The following ATP2C2 variants were observed in gnomAD, a reference collection of about 807,000 sequenced individuals.
ATP2C2 encodes calcium-transporting ATPase type 2C member 2.
In ATP2C2, 171 loss-of-function variants were observed where a neutral mutation model predicts 110.8. The observed-to-expected ratio is 1.54, with a 90% CI of 1.36 to 1.75. The LOEUF (loss-of-function observed/expected upper bound fraction) is 1.75. Ranked by LOEUF, ATP2C2 falls within the 40% of genes most tolerant of loss-of-function variation. The pLI, the probability that ATP2C2 is intolerant of heterozygous loss-of-function variation, is 0.00. For missense variants in ATP2C2, 1,963 were observed against 1,235.0 expected, an observed-to-expected ratio of 1.59 and a Z score of -8.84; for synonymous variants, 804 against 508.4, an observed-to-expected ratio of 1.58 and a Z score of -7.82.
chr16:84,417,511 T>A (rs1906945897), intron 7 of ATP2C2, among the ~76,000 whole-genome samples: 1 of 152,234 alleles, frequency 6.6e-6, no homozygotes. Context: ...ATTATCGTTC[T>A]ATACAACGGT....
At chr16:84,417,953 G>A (rs935080077) in intron 7 of ATP2C2, among the ~76,000 whole-genome samples, 1 of 152,198 alleles carries the variant, frequency 6.6e-6, no homozygotes, top group Non-Finnish European at 1.5e-5. Context: ...GCAGGAAGCA[G>A]CAAGTTCAAG....
chr16:84,438,127 C>G (rs1366202610), intron 11 of ATP2C2, among the ~76,000 whole-genome samples: 2 of 152,224 alleles, frequency 1.3e-5, no homozygotes, highest in East Asian at 3.8e-4. Flanking sequence ...CATTTGTTCA[C>G]TGATGGACAT....
chr16:84,463,546 AG>A, intron 26 of ATP2C2, 67 bp from the exon 27 acceptor site: 1 of 1,309,328 alleles, frequency 7.6e-7, no homozygotes, highest in Non-Finnish European at 1.1e-6. Context: ...CTGGCAGGGA[AG>A]GCGCTTCCTG....
intron 11 of ATP2C2, among the ~76,000 whole-genome samples, chr16:84,430,058 C>T (rs1239236089): frequency 6.6e-6 from 1 of 152,140 alleles, no homozygotes; most frequent in African/African-American, 2.4e-5. Context: ...TTGTATTGGA[C>T]TAGGGTGGAT....
chr16:84,458,762 C>T (rs1265164774), intron 21 of ATP2C2, among the ~76,000 whole-genome samples: 1 of 152,202 alleles, frequency 6.6e-6, no homozygotes, highest in Non-Finnish European at 1.5e-5. Context: ...CTGCGTCTCT[C>T]TCTCCTCTTT....
chr16:84,439,233 C>T lies in ATP2C2; in HGVS notation c.1054C>T (p.Leu352=). 1 of 1,612,316 alleles carries T rather than the reference C, an allele frequency of 6.2e-7. No homozygotes were observed. The highest frequency in any genetic ancestry group is 1.1e-5 in the South Asian group (1 of 90,998). Reference sequence around the variant, plus strand: ...CATGGTGACGCTGGTCCTGGGAGTGCTGCGGATGGCCAAGAAGCGGGTCAT... The same window carrying T: ...CATGGTGACGCTGGTCCTGGGAGTGTTGCGGATGGCCAAGAAGCGGGTCAT... ...VVMVTLVLGV[L]RMAKKRVIVK... The change falls in exon 12 of 27, where the codon CTG becomes TTG. Residue 352 remains leucine, a synonymous_variant. Transcript: ENST00000262429.
chr16:84,451,792 T>G (rs1446480669), intron 17 of ATP2C2, 129 bp from the exon 18 acceptor site: 4 of 931,482 alleles, frequency 4.3e-6, no homozygotes, highest in Non-Finnish European at 6.5e-6. Context: ...GAGCCAACAT[T>G]ACACCACTGC....
At position 84,441,074 on chromosome 16, in the gene ATP2C2, T is replaced by C. The variant is rs543955503; in HGVS notation, c.1311+116T>C. The C allele has an allele frequency of 5.6e-6, 5 of 894,200 alleles. No individual in the cohort carries two copies. The South Asian group carries it at 6.0e-5, about 11-fold the overall frequency. The allele number at this position is 894,200 out of a possible 1,614,324, so 55.4% of individuals were successfully genotyped here. The stretch of plus-strand genomic sequence containing the variant: ...CTGGTTCTTGACAATGACTGGCCCA[T>C]CCAGGGGTGAGGCTGGCACAGCACT... On this transcript the variant is annotated intron_variant, in intron 14 of 26. Coordinates refer to ENST00000262429, the MANE Select transcript of ATP2C2 (RefSeq NM_014861.4).
At chr16:84,444,911 C>A (rs962332754) in intron 15 of ATP2C2, among the ~76,000 whole-genome samples, 3 of 152,228 alleles carry the variant, frequency 2.0e-5, no homozygotes, top group African/African-American at 7.2e-5. Context: ...TGAGGCCAGG[C>A]CAGTGGTTCC....
At chr16:84,374,174 A>C (rs1456244848) in intron 1 of ATP2C2, among the ~76,000 whole-genome samples, 2 of 152,224 alleles carry the variant, frequency 1.3e-5, no homozygotes, top group South Asian at 2.1e-4. Flanking sequence ...GGATTCATGT[A>C]AGGCACCTGC....
chr16:84,381,721 G>T (rs1194040063), intron 1 of ATP2C2, among the ~76,000 whole-genome samples: 1 of 152,164 alleles, frequency 6.6e-6, no homozygotes, highest in Non-Finnish European at 1.5e-5. Flanking sequence ...CTTCAATGGC[G>T]GTGTAGGCAT....
At chr16:84,380,042 C>T (rs891111644) in intron 1 of ATP2C2, among the ~76,000 whole-genome samples, 1 of 152,120 alleles carries the variant, frequency 6.6e-6, no homozygotes, top group Non-Finnish European at 1.5e-5. Context: ...TTATTATTTT[C>T]ATTTTTTATA....
At chr16:84,429,242 C>T (rs1377042802) in intron 11 of ATP2C2, among the ~76,000 whole-genome samples, 1 of 152,172 alleles carries the variant, frequency 6.6e-6, no homozygotes, top group Non-Finnish European at 1.5e-5. Context: ...ATCTCCATCT[C>T]CCAGGTTCAT....
rs371079891 is a variant in ATP2C2 at position 84,460,684 on chromosome 16, C to A, written c.2364C>A (p.Ala788=). 9 of 1,614,216 alleles carry A rather than the reference C, an allele frequency of 5.6e-6. No homozygotes were observed. The highest frequency in any genetic ancestry group is 7.6e-6 in the Non-Finnish European group (9 of 1,180,046). Residue 788 remains alanine (A), a synonymous_variant, in exon 24 of 27, where the codon GCC becomes GCA. Coordinates refer to ENST00000262429, the MANE Select transcript of ATP2C2 (RefSeq NM_014861.4). ...GGGTAGAGCCCGTTGACAAAGACGC[C>A]TTCAGGCAGCCACCACGGAGTGTGC... ...SLGVEPVDKD[A]FRQPPRSVRD...
intron 21 of ATP2C2, among the ~76,000 whole-genome samples, chr16:84,458,628 T>A (rs1910926712): frequency 6.6e-6 from 1 of 152,096 alleles, no homozygotes; most frequent in African/African-American, 2.4e-5. Context: ...TGACCCCAGG[T>A]CAAGGTTTAA....
chr16:84,405,360 A>C (rs1487760759), intron 3 of ATP2C2, 116 bp downstream of exon 3: 5 of 852,274 alleles, frequency 5.9e-6, no homozygotes, highest in Non-Finnish European at 9.0e-6. Flanking sequence ...CGCCCCTTTC[A>C]CGCTGCCCCA....
At chr16:84,391,198 GA>G (rs1459857146) in intron 1 of ATP2C2, among the ~76,000 whole-genome samples, 1 of 151,900 alleles carries the variant, frequency 6.6e-6, no homozygotes, top group African/African-American at 2.4e-5. Context: ...GAGAATTAGG[GA>G]CACTCTCTGA....
At position 84,453,248 on chromosome 16, in the gene ATP2C2, A is replaced by G; in HGVS notation, c.1929+13A>G. 6.2e-7 allele frequency: 1 copy of G among 1,614,014 alleles called. No individual in the cohort carries two copies. Among genetic ancestry groups the G allele is most frequent in the South Asian group, 1.1e-5 (1 of 91,064 alleles). ...CCGCGTGGGGAAGGTGGGTCCCCGG[A>G]GGCTTGGCTGGCAGTGGGGCTGGGT... On this transcript the variant is annotated intron_variant, in intron 19 of 26. Transcript: ENST00000262429.
At chr16:84,448,425 G>A in intron 16 of ATP2C2, 108 bp from the exon 17 acceptor site, 3 of 1,354,756 alleles carry the variant, frequency 2.2e-6, no homozygotes, top group Non-Finnish European at 3.0e-6. Flanking sequence ...TAACTCCGCT[G>A]CAAAGATCCC....
Sources: allele counts gnomAD v4.1 joint callset (sites outside exome capture counted in the v4.1 genomes callset), GRCh38; gene constraint gnomAD v4.1.1; transcripts MANE v1.5; gene names NCBI Gene and HGNC (gene_info 2026-07-23, HGNC 2026-07-21).